The following CPNE1 variants were observed in gnomAD, a reference collection of about 807,000 sequenced individuals.
The protein encoded by CPNE1 is copine 1.
CPNE1 carries 58 observed loss-of-function variants against 63.2 expected under a neutral mutation model. The ratio of observed to expected loss-of-function variants is 0.92; its 90% CI spans 0.74 to 1.14. The LOEUF (loss-of-function observed/expected upper bound fraction) is 1.14. Among genes scored for constraint, CPNE1 ranks in the 50% most tolerant of loss-of-function variants. The probability of loss-of-function intolerance (pLI) is 0.00; values close to 1 mark genes in which losing one functional copy is unlikely to be tolerated. For synonymous variants in CPNE1, 237 were observed against 249.0 expected (o/e 0.95, Z 0.45); for missense variants, 672 against 661.7 (o/e 1.02, Z -0.17).
chr20:35,654,325 T>G, intron 1 of CPNE1: 1 of 1,614,138 alleles, frequency 6.2e-7, no homozygotes, highest in Non-Finnish European at 8.5e-7. Context: ...TTTCAACAAA[T>G]GCACTGCATC....
At chr20:35,651,547 TTTC>T (rs1485375546) in intron 1 of CPNE1, 4 of 152,198 alleles carry the variant, frequency 2.6e-5, no homozygotes, top group African/African-American at 9.7e-5. Flanking sequence ...GATATAACAC[TTTC>T]TTATGAATGG....
At chr20:35,629,380 T>TG (rs2146279510) in intron 13 of CPNE1, among the ~76,000 whole-genome samples, 1 of 152,340 alleles carries the variant, frequency 6.6e-6, no homozygotes, top group South Asian at 2.1e-4. Context: ...TCAAAAGGTT[T>TG]GGCCCTAAAC....
chr20:35,630,882 C>G lies in CPNE1; in HGVS notation c.995+19G>C. ...GCATCTGCAGGGAGCGGGTATAGCC[C>G]AGAGAAGCAGGTACTCACGAGTCAT... On this transcript the variant is annotated intron_variant, in intron 11 of 15. Transcript: ENST00000397443. 6.2e-7 allele frequency: 1 copy of G among 1,602,154 alleles called. No homozygotes were observed. The highest frequency in any genetic ancestry group is 8.5e-7 in the Non-Finnish European group (1 of 1,173,648).
In CPNE1 at chr20:35,627,481, C is replaced by T. The variant is rs1008559415; in HGVS notation, c.1103-68G>A. The T allele has an allele frequency of 2.6e-6, 4 of 1,521,318 alleles. No individual in the cohort carries two copies. In the Admixed American group the frequency reaches 5.7e-5, roughly 22 times the overall value. 94.2% of individuals were successfully genotyped at this position (1,521,318 alleles called of 1,614,324 possible). A position where few individuals can be genotyped will look rare whatever the true frequency, so the allele number is the denominator to read the frequency against. On this transcript the variant is annotated intron_variant, in intron 13 of 15. Transcript: ENST00000397443. ...CAGGACTACACCAGTCCTGAAATCACCCCATCCCAGCCCAGGAGATCTCGG... is the reference window on the plus strand; with the variant it reads ...CAGGACTACACCAGTCCTGAAATCATCCCATCCCAGCCCAGGAGATCTCGG...
chr20:35,659,528 A>T (rs927658097), intron 1 of CPNE1, among the ~76,000 whole-genome samples: 1 of 152,260 alleles, frequency 6.6e-6, no homozygotes, highest in Non-Finnish European at 1.5e-5. Context: ...AGCATCCAAC[A>T]TCACAAAACA....
intron 1 of CPNE1, chr20:35,654,206 C>G (rs1390871181): frequency 6.2e-7 from 1 of 1,614,224 alleles, no homozygotes. Context: ...GGGCTAACTT[C>G]CACATAGCGT....
chr20:35,659,964 A>G (rs560125243), intron 1 of CPNE1, among the ~76,000 whole-genome samples: 25 of 152,332 alleles, frequency 1.6e-4, no homozygotes, highest in African/African-American at 6.0e-4. Flanking sequence ...TTAAATTAGT[A>G]TCTTCCAAGA....
chr20:35,646,712 G>A (rs1279422139), intron 1 of CPNE1, among the ~76,000 whole-genome samples: 5 of 152,300 alleles, frequency 3.3e-5, no homozygotes, highest in African/African-American at 9.6e-5. Flanking sequence ...GAACCATCAA[G>A]TAGCCCATTT....
intron 13 of CPNE1, among the ~76,000 whole-genome samples, chr20:35,629,551 T>C (rs1295747291): frequency 6.6e-6 from 1 of 152,202 alleles, no homozygotes; most frequent in Non-Finnish European, 1.5e-5. Flanking sequence ...CCAGGCTTAC[T>C]GCTTTACTTG....
chr20:35,630,224 G>A (rs1285448420), intron 13 of CPNE1, among the ~76,000 whole-genome samples: 3 of 152,200 alleles, frequency 2.0e-5, no homozygotes, highest in African/African-American at 7.2e-5. Context: ...AACCCAGTAG[G>A]CAGAGGTTGC....
chr20:35,650,677 T>C (rs984244206), intron 1 of CPNE1: 1 of 152,610 alleles, frequency 6.6e-6, no homozygotes, highest in African/African-American at 2.4e-5. Context: ...GTCTAAACAA[T>C]CCTTCTCTTA....
At position 35,652,853 on chromosome 20, in the gene CPNE1, C is replaced by G. The variant is rs1161302187; in HGVS notation, c.-1+11907G>C. On this transcript the variant is annotated intron_variant, in intron 1 of 15. Coordinates refer to ENST00000397443, the MANE Select transcript of CPNE1 (RefSeq NM_152925.3). ...CCGGGGCCGGGGCCAGGCCCAAAAG[C>G]TGGTGGCCCACCCAAATGCCCAGGG... is the stretch of plus-strand genomic sequence containing the variant. 3.1e-6 allele frequency: 5 copies of G among 1,610,860 alleles called. No individual in the cohort carries two copies. The African/African-American group carries it at 6.7e-5, about 22-fold the overall frequency.
At chr20:35,647,882 G>A (rs1284498393) in intron 1 of CPNE1, among the ~76,000 whole-genome samples, 6 of 142,276 alleles carry the variant, frequency 4.2e-5, no homozygotes, top group South Asian at 4.5e-4. Flanking sequence ...GCAAAACCCC[G>A]TCTCTACTAA....
chr20:35,659,811 A>T (rs1189158812), intron 1 of CPNE1, among the ~76,000 whole-genome samples: 1 of 152,252 alleles, frequency 6.6e-6, no homozygotes, highest in Non-Finnish European at 1.5e-5. Flanking sequence ...ATATATGACC[A>T]AATGTCTAGA....
chr20:35,640,954 T>C (rs1443710231), intron 1 of CPNE1, among the ~76,000 whole-genome samples: 4 of 152,130 alleles, frequency 2.6e-5, no homozygotes, highest in African/African-American at 9.7e-5. Context: ...ACTAGTCGGG[T>C]GTTGCGAATG....
intron 15 of CPNE1, 88 bp from the exon 16 acceptor site, chr20:35,626,469 G>A (rs1225012559): frequency 5.0e-6 from 8 of 1,593,192 alleles, no homozygotes; most frequent in Middle Eastern, 3.3e-4. Context: ...CATATCCCAG[G>A]CTTAGAGGAA....
At chr20:35,635,538 T>C (rs1489448316) in intron 1 of CPNE1, among the ~76,000 whole-genome samples, 3 of 152,072 alleles carry the variant, frequency 2.0e-5, no homozygotes, top group Admixed American at 1.3e-4. Context: ...TCTTGCATGG[T>C]TCACCACGAC....
chr20:35,626,939 GCAC>G, intron 14 of CPNE1, 136 bp from the exon 15 acceptor site: 1 of 772,828 alleles, frequency 1.3e-6, no homozygotes, highest in Non-Finnish European at 2.2e-6. Context: ...TGTAATCCCA[GCAC>G]TTTGGGAGGC....
intron 1 of CPNE1, among the ~76,000 whole-genome samples, chr20:35,646,252 CAAAAAAAAAAAA>C (rs549372063): frequency 1.1e-3 from 63 of 58,356 alleles, no homozygotes; most frequent in East Asian, 2.7e-3. Context: ...AAGACCATCT[CAAAAAAAAAAAA>C]AAAAAAAAAA....
Sources: gnomAD v4.1 joint callset for allele counts (sites outside exome capture counted in the v4.1 genomes callset) on GRCh38, gnomAD v4.1.1 for gene constraint, MANE v1.5 for transcripts, NCBI Gene and HGNC (gene_info 2026-07-23, HGNC 2026-07-21) for gene names.